RBFOX1: variants seen among roughly 807,000 people sequenced by gnomAD.
RBFOX1 encodes RNA binding protein fox-1 homolog 1.
Under a neutral mutation model 57.7 loss-of-function variants are expected in RBFOX1, and 8 were observed. The observed-to-expected ratio is 0.14, with a 90% CI of 0.08 to 0.25. The LOEUF is 0.25. RBFOX1 is among the 10% of genes least tolerant of loss of function. The pLI, the probability that RBFOX1 is intolerant of heterozygous loss-of-function variation, is 1.00. For synonymous variants in RBFOX1, 326 were observed against 222.4 expected (o/e 1.47, Z -4.15); for missense variants, 611 against 548.5 (o/e 1.11, Z -1.14).
intron 3 of RBFOX1, among the ~76,000 whole-genome samples, chr16:5,789,706 T>G (rs541225745): frequency 1.4e-4 from 22 of 152,270 alleles, no homozygotes; most frequent in African/African-American, 5.3e-4. Flanking sequence ...GATAAGAAGA[T>G]AGAAGCTCAA....
chr16:7,320,257 T>C (rs1239832793), intron 4 of RBFOX1, among the ~76,000 whole-genome samples: 3 of 151,850 alleles, frequency 2.0e-5, no homozygotes, highest in Non-Finnish European at 2.9e-5. Context: ...GGCCCCAGTG[T>C]GTGTTGTTTC....
At chr16:6,025,879 C>A (rs2095182289) in intron 1 of RBFOX1, among the ~76,000 whole-genome samples, 1 of 152,184 alleles carries the variant, frequency 6.6e-6, no homozygotes, top group Admixed American at 6.5e-5. Flanking sequence ...ACTGGAACTG[C>A]ATTATTGCCT....
chr16:5,424,919 C>CTTTCTTTCTTTCTTTCTT lies in RBFOX1; in HGVS notation c.220-42280_220-42279insTTTTCTTTCTTTCTTTCT, dbSNP rs1555514800. On this transcript the variant is annotated intron_variant, in intron 1 of 2. Transcript: ENST00000585867. ...TCTTTCTTTCTTTCTTTCTTTCTTTCTTTCTTTCTTTCTTTCTCTCTCTTC... is the reference window on the plus strand; with the variant it reads ...TCTTTCTTTCTTTCTTTCTTTCTTTCTTTCTTTCTTTCTTTCTTTTTCTTTCTTTCTTTCTCTCTCTTC... Among the ~76,000 whole-genome samples the CTTTCTTTCTTTCTTTCTT allele has an allele frequency of 1.9e-3, 183 of 96,734 alleles. 3 individuals are homozygous for CTTTCTTTCTTTCTTTCTT. The highest frequency in any genetic ancestry group is 7.8e-3 in the African/African-American group (167 of 21,310). 63.5% of individuals were successfully genotyped at this position (96,734 alleles called of 152,430 possible). A position where few individuals can be genotyped will look rare whatever the true frequency, so the allele number is the denominator to read the frequency against.
intron 2 of RBFOX1, among the ~76,000 whole-genome samples, chr16:5,476,093 T>C (rs2069312789): frequency 6.6e-6 from 1 of 152,168 alleles, no homozygotes; most frequent in African/African-American, 2.4e-5. Context: ...CTTAGACTTA[T>C]GTTATTGACC....
chr16:7,177,985 C>T (rs2082002073), intron 4 of RBFOX1, among the ~76,000 whole-genome samples: 1 of 152,136 alleles, frequency 6.6e-6, no homozygotes, highest in Admixed American at 6.5e-5. Context: ...GCTCTGGTTC[C>T]TTTCTTCTGA....
At chr16:7,062,927 T>C (rs968752637) in intron 4 of RBFOX1, among the ~76,000 whole-genome samples, 2 of 111,696 alleles carry the variant, frequency 1.8e-5, no homozygotes, top group South Asian at 3.2e-4. Flanking sequence ...TTTTTTTTTT[T>C]TGCTGAAGTT....
intron 3 of RBFOX1, among the ~76,000 whole-genome samples, chr16:5,835,051 C>T (rs374647811): frequency 6.6e-6 from 1 of 152,156 alleles, no homozygotes; most frequent in Admixed American, 6.5e-5. Flanking sequence ...GATATTGGTG[C>T]AGATGAATCC....
intron 1 of RBFOX1, among the ~76,000 whole-genome samples, chr16:5,244,303 A>G (rs1158466774): frequency 6.6e-6 from 1 of 152,230 alleles, no homozygotes; most frequent in African/African-American, 2.4e-5. Context: ...GGTGCGGTGC[A>G]GAGCAGAATA....
chr16:7,630,558 G>T, intron 10 of RBFOX1, 45 bp from the exon 11 acceptor site: 4 of 1,611,192 alleles, frequency 2.5e-6, no homozygotes, highest in Non-Finnish European at 3.4e-6. Context: ...CAGGTGTAGT[G>T]TACCGATTCC....
intron 12 of RBFOX1, among the ~76,000 whole-genome samples, chr16:7,656,470 C>T (rs1278164581): frequency 2.0e-5 from 3 of 151,650 alleles, no homozygotes; most frequent in Non-Finnish European, 4.4e-5. Flanking sequence ...ATCTTGTGTT[C>T]AGGGAGAGCA....
intron 3 of RBFOX1, among the ~76,000 whole-genome samples, chr16:5,810,908 T>C (rs537925230): frequency 6.6e-6 from 1 of 152,272 alleles, no homozygotes; most frequent in East Asian, 1.9e-4. Context: ...TTCACACATA[T>C]GAAGAGTAAA....
intron 2 of RBFOX1, among the ~76,000 whole-genome samples, chr16:6,455,970 C>G (rs1567316420): frequency 3.3e-5 from 5 of 152,012 alleles, no homozygotes. Context: ...TAGACTAAAG[C>G]TAGCCACTGG....
intron 4 of RBFOX1, among the ~76,000 whole-genome samples, chr16:7,062,286 C>G (rs1437249554): frequency 7.6e-6 from 1 of 131,544 alleles, no homozygotes; most frequent in Non-Finnish European, 1.5e-5. Context: ...CCACTGCACT[C>G]CAGTCTGAGA....
intron 4 of RBFOX1, among the ~76,000 whole-genome samples, chr16:7,293,096 A>G (rs1325400782): frequency 6.6e-6 from 1 of 152,208 alleles, no homozygotes; most frequent in Admixed American, 6.5e-5. Flanking sequence ...AGGATGTGAT[A>G]GATACCGTTG....
intron 3 of RBFOX1, among the ~76,000 whole-genome samples, chr16:6,764,874 T>A (rs924533904): frequency 2.8e-4 from 43 of 152,024 alleles, no homozygotes; most frequent in African/African-American, 1.0e-3. Context: ...AAGGTGAAGG[T>A]TGCAGTGAGC....
intron 4 of RBFOX1, among the ~76,000 whole-genome samples, chr16:7,254,517 T>C (rs1158479402): frequency 1.3e-5 from 2 of 151,888 alleles, no homozygotes; most frequent in African/African-American, 4.8e-5. Flanking sequence ...TATCAATATA[T>C]GCCCATTTTA....
chr16:7,258,208 C>A (rs1281616026), intron 4 of RBFOX1, among the ~76,000 whole-genome samples: 1 of 152,144 alleles, frequency 6.6e-6, no homozygotes, highest in African/African-American at 2.4e-5. Flanking sequence ...TACAGAGAGG[C>A]ATGTATGCAC....
At chr16:6,253,116 A>G (rs539327453) in intron 1 of RBFOX1, among the ~76,000 whole-genome samples, 1 of 152,284 alleles carries the variant, frequency 6.6e-6, no homozygotes, top group South Asian at 2.1e-4. Flanking sequence ...TATCTCTATC[A>G]TACACACACT....
At chr16:5,420,202 A>T (rs1276275381) in intron 1 of RBFOX1, among the ~76,000 whole-genome samples, 1 of 152,222 alleles carries the variant, frequency 6.6e-6, no homozygotes, top group East Asian at 1.9e-4. Context: ...TTTGGGGTCA[A>T]TGAAGTAGAT....
Sources: allele counts gnomAD v4.1 joint callset (sites outside exome capture counted in the v4.1 genomes callset), GRCh38; gene constraint gnomAD v4.1.1; transcripts MANE v1.5; gene names NCBI Gene and HGNC (gene_info 2026-07-23, HGNC 2026-07-21).